OSBPL10: variants seen among roughly 807,000 people sequenced by gnomAD.
OSBPL10 encodes the protein oxysterol-binding protein-related protein 10.
In OSBPL10, 49 loss-of-function variants were observed where a neutral mutation model predicts 81.7. The observed-to-expected ratio is 0.60, with a 90% CI of 0.48 to 0.76. The LOEUF (loss-of-function observed/expected upper bound fraction) is 0.76, where lower values mean the gene tolerates loss of function less well. Ranked by LOEUF, OSBPL10 falls within the 30% of genes least tolerant of loss-of-function variation. OSBPL10 has a pLI of 0.00. For synonymous variants in OSBPL10, 419 were observed against 383.6 expected (o/e 1.09, Z -1.08); for missense variants, 923 against 987.8 (o/e 0.93, Z 0.88).
intron 3 of OSBPL10, among the ~76,000 whole-genome samples, chr3:31,873,132 ACT>A (rs35843685): frequency 0.096 from 14,589 of 151,994 alleles, 807 homozygotes; most frequent in Middle Eastern, 0.17. Flanking sequence ...TGGTTACTCG[ACT>A]CTATATATTT....
intron 3 of OSBPL10, 27 bp downstream of exon 3, chr3:31,876,406 C>T: frequency 2.5e-6 from 4 of 1,570,978 alleles, no homozygotes; most frequent in Non-Finnish European, 3.5e-6. Context: ...TATTCGAATG[C>T]CTCCTTCCTT....
intron 4 of OSBPL10, among the ~76,000 whole-genome samples, chr3:31,766,200 T>C (rs1278692107): frequency 6.6e-6 from 1 of 152,030 alleles, no homozygotes; most frequent in Non-Finnish European, 1.5e-5. Context: ...CTGAGCCCAC[T>C]CAGCTGACAC....
intron 3 of OSBPL10, among the ~76,000 whole-genome samples, chr3:31,837,324 T>A (rs1419177829): frequency 3.0e-4 from 1 of 3,344 alleles, no homozygotes; most frequent in Non-Finnish European, 5.9e-4. Context: ...CCCCAAATTA[T>A]ATATATATAT....
chr3:31,794,103 C>T (rs1480170624), intron 4 of OSBPL10, among the ~76,000 whole-genome samples: 3 of 152,170 alleles, frequency 2.0e-5, no homozygotes, highest in East Asian at 1.9e-4. Context: ...TCTTCAGCCT[C>T]GTGATGGCAC....
intron 6 of OSBPL10, among the ~76,000 whole-genome samples, chr3:31,719,322 T>C (rs1696558975): frequency 6.6e-6 from 1 of 152,180 alleles, no homozygotes; most frequent in African/African-American, 2.4e-5. Flanking sequence ...CTCCACATTA[T>C]TAAAAATTCA....
chr3:31,880,734 T>G (rs965627857), intron 1 of OSBPL10, among the ~76,000 whole-genome samples: 1 of 152,250 alleles, frequency 6.6e-6, no homozygotes. Flanking sequence ...CACATGCTGT[T>G]CTTGCTGTCT....
chr3:31,697,786 G>A (rs950427299), intron 7 of OSBPL10, among the ~76,000 whole-genome samples: 1 of 150,804 alleles, frequency 6.6e-6, no homozygotes, highest in East Asian at 2.0e-4. Context: ...TTTTTGAGAT[G>A]GAGTCTTGCA....
At chr3:31,795,857 G>T in intron 4 of OSBPL10, 1 of 242,722 alleles carries the variant, frequency 4.1e-6, no homozygotes, top group Non-Finnish European at 9.2e-6. Flanking sequence ...CCATATGAGT[G>T]TGAGGTATGT....
chr3:31,918,840 T>C (rs1696830830), intron 1 of OSBPL10, among the ~76,000 whole-genome samples: 1 of 152,202 alleles, frequency 6.6e-6, no homozygotes, highest in Non-Finnish European at 1.5e-5. Context: ...CATTTGATTT[T>C]TAAATCATGG....
At chr3:31,996,724 G>GAAGA (rs1699093356) in intron 2 of OSBPL10, among the ~76,000 whole-genome samples, 1 of 152,152 alleles carries the variant, frequency 6.6e-6, no homozygotes, top group East Asian at 1.9e-4. Flanking sequence ...TGAAACTATA[G>GAAGA]AAGAAAGAAA....
At position 32,039,366 on chromosome 3, in the gene OSBPL10, A is replaced by G. The variant is rs976272546; in HGVS notation, n.298+7125T>C. Among the ~76,000 whole-genome samples the G allele has an allele frequency of 4.6e-5, 7 of 151,296 alleles. No homozygotes were observed. The East Asian group carries it at 1.4e-3, about 29-fold the overall frequency. On this transcript the variant is annotated intron_variant and non_coding_transcript_variant, in intron 2 of 3. Coordinates refer to the OSBPL10 transcript ENST00000479173. ...AATTAATTAATTAGTTAATTAAAAA[A>G]AAAAAGAGGGCTGGGTATGGTGGCT...
chr3:31,873,025 T>A (rs1400787913), intron 3 of OSBPL10, among the ~76,000 whole-genome samples: 5 of 152,096 alleles, frequency 3.3e-5, no homozygotes, highest in Admixed American at 2.6e-4. Context: ...AGGAAACCAA[T>A]CAGCAGTTGC....
At chr3:32,036,008 T>C (rs1431351568) in intron 2 of OSBPL10, among the ~76,000 whole-genome samples, 3 of 152,174 alleles carry the variant, frequency 2.0e-5, no homozygotes, top group African/African-American at 7.2e-5. Flanking sequence ...TCTTCATGAA[T>C]CCAACTACTC....
intron 4 of OSBPL10, among the ~76,000 whole-genome samples, chr3:31,806,800 G>GGGAGCCATGTGGGT (rs1699532592): frequency 6.6e-6 from 1 of 151,910 alleles, no homozygotes; most frequent in South Asian, 2.1e-4. Flanking sequence ...GGGGGGTGGG[G>GGGAGCCATGTGGGT]GGAGCCATGT....
At chr3:31,749,460 T>TAA (rs1412726597) in intron 4 of OSBPL10, among the ~76,000 whole-genome samples, 2 of 152,262 alleles carry the variant, frequency 1.3e-5, no homozygotes, top group East Asian at 3.8e-4. Flanking sequence ...TTCTGGCTCC[T>TAA]AAAACAGTGC....
intron 2 of OSBPL10, among the ~76,000 whole-genome samples, chr3:32,025,161 A>C (rs1176101289): frequency 3.9e-5 from 6 of 152,178 alleles, no homozygotes; most frequent in African/African-American, 1.4e-4. Flanking sequence ...AGAATGAGGA[A>C]GGACCCCTCT....
At position 31,875,279 on chromosome 3, in the gene OSBPL10, T is replaced by C. The variant is rs923169390; in HGVS notation, c.537+1154A>G. ...GGCAATAGGTGGGGATAAGTCCTTC[T>C]ACTCTTATCCTCTTCTGTTCTGGTT... On this transcript the variant is annotated intron_variant, in intron 3 of 11. Coordinates refer to ENST00000396556, the MANE Select transcript of OSBPL10 (RefSeq NM_017784.5). 6.6e-5 allele frequency among the ~76,000 whole-genome samples: 10 copies of C among 152,170 alleles called. No homozygotes were observed. In the South Asian group the frequency reaches 8.3e-4, roughly 13 times the overall value.
At position 31,868,074 on chromosome 3, in the gene OSBPL10, G is replaced by A. The variant is rs1206760525; in HGVS notation, c.537+8359C>T. On this transcript the variant is annotated intron_variant, in intron 3 of 11. Transcript: ENST00000396556. ...AACGTACAAGAAAAAAAAAAAAGAC[G>A]GGCAGGACGGACCTCCAAATGGAGT... 5.3e-5 allele frequency among the ~76,000 whole-genome samples: 8 copies of A among 151,794 alleles called. 1 individual carries two copies. The highest frequency in any genetic ancestry group is 6.8e-3 in the Middle Eastern group (2 of 292).
Position 32,069,723 on chromosome 3 carries a change from G to A in OSBPL10, n.185+7673C>T, listed in dbSNP as rs113340061. Among the ~76,000 whole-genome samples, 318 of 152,242 alleles carry A rather than the reference G, an allele frequency of 2.1e-3. 1 individual carries two copies. In the Middle Eastern group the frequency reaches 0.034, roughly 16 times the overall value. ...TCAAGGTGTACAATAATAGAGAGGC[G>A]GTAGCCAGACAGCAATGCATTTCTG... On this transcript the variant is annotated intron_variant and non_coding_transcript_variant, in intron 1 of 3. Coordinates refer to the OSBPL10 transcript ENST00000479173.
Sources: allele counts gnomAD v4.1 joint callset (sites outside exome capture counted in the v4.1 genomes callset), GRCh38; gene constraint gnomAD v4.1.1; transcripts MANE v1.5; gene names NCBI Gene and HGNC (gene_info 2026-07-23, HGNC 2026-07-21).